LRRC8D: variants seen among roughly 807,000 people sequenced by gnomAD.
LRRC8D encodes volume-regulated anion channel subunit LRRC8D.
Under a neutral mutation model 55.8 loss-of-function variants are expected in LRRC8D, and 20 were observed. The observed-to-expected ratio is 0.36, with a 90% CI of 0.25 to 0.52. The LOEUF (loss-of-function observed/expected upper bound fraction) is 0.52, where lower values mean the gene tolerates loss of function less well. Among genes scored for constraint, LRRC8D ranks in the 20% least tolerant of loss-of-function variants. LRRC8D has a pLI of 0.93. For synonymous variants in LRRC8D, 352 were observed against 377.0 expected (o/e 0.93, Z 0.77); for missense variants, 651 against 1,030.8 (o/e 0.63, Z 5.05).
chr1:89,864,055 T>C (rs1661785242), intron 2 of LRRC8D, among the ~76,000 whole-genome samples: 1 of 152,202 alleles, frequency 6.6e-6, no homozygotes, highest in Admixed American at 6.5e-5. Context: ...GTTGAGCTCT[T>C]GCCCCATTGT....
At chr1:89,853,387 A>G (rs1661470296) in intron 2 of LRRC8D, among the ~76,000 whole-genome samples, 1 of 152,100 alleles carries the variant, frequency 6.6e-6, no homozygotes, top group Non-Finnish European at 1.5e-5. Flanking sequence ...AGGGCTGGAG[A>G]CAATTATTGA....
Position 89,847,870 on chromosome 1 carries a change from C to T in LRRC8D, c.-3+4088C>T, listed in dbSNP as rs140728289. On this transcript the variant is annotated intron_variant, in intron 2 of 2. Coordinates refer to ENST00000337338, the MANE Select transcript of LRRC8D (RefSeq NM_001134479.2). ...TTGCAAATAATGACTTCAGCATCTT[C>T]CTGTATTTGTAAAATAGCACTGCAT... Among the ~76,000 whole-genome samples the T allele has an allele frequency of 5.0e-4, 76 of 152,268 alleles. 1 individual carries two copies. In the East Asian group the frequency reaches 0.013, roughly 26 times the overall value.
chr1:89,908,235 C>G (rs1264601294), intron 2 of LRRC8D, among the ~76,000 whole-genome samples: 1 of 152,170 alleles, frequency 6.6e-6, no homozygotes, highest in Non-Finnish European at 1.5e-5. Flanking sequence ...TGCTATTACT[C>G]TAGTCTGTTG....
intron 2 of LRRC8D, among the ~76,000 whole-genome samples, chr1:89,853,409 G>A (rs531117504): frequency 2.6e-5 from 4 of 152,280 alleles, no homozygotes; most frequent in South Asian, 2.1e-4. Context: ...GAGTGACTAG[G>A]ATTGATCGTG....
Position 89,935,139 on chromosome 1 carries a change from T to C in LRRC8D, c.2071T>C (p.Trp691Arg), listed in dbSNP as rs377262856. Reference protein sequence around the residue: ...HLKRLTCLKLWHNKIVTIPPS... With the variant: ...HLKRLTCLKLRHNKIVTIPPS... ...AAAACGACTGACTTGTTTAAAATTA[T>C]GGCATAACAAAATTGTTACTATTCC... is the stretch of plus-strand genomic sequence containing the variant. The change falls in exon 3 of 3, where the codon TGG becomes CGG. Residue 691 changes from tryptophan (W) to arginine (R), a missense_variant. Trp to Arg is a moderately radical substitution (Grantham distance 101). Transcript: ENST00000337338. 3 of 1,614,250 alleles carry C rather than the reference T, an allele frequency of 1.9e-6. No homozygotes were observed. Among genetic ancestry groups the C allele is most frequent in the South Asian group, 1.1e-5 (1 of 91,088 alleles).
intron 2 of LRRC8D, among the ~76,000 whole-genome samples, chr1:89,892,651 T>C (rs1433245666): frequency 1.3e-5 from 2 of 152,208 alleles, no homozygotes; most frequent in Non-Finnish European, 2.9e-5. Context: ...CCTGAGTAGC[T>C]GGGGCTATAG....
rs1663788136 is a variant in LRRC8D, at chr1:89,934,529, T to G, written c.1461T>G (p.Phe487Leu). The change falls in exon 3 of 3, where the codon TTT becomes TTG. Residue 487 changes from phenylalanine to leucine, a missense_variant. By Grantham distance (22) the Phe-to-Leu change is conservative (BLOSUM62 0). Around this residue, in one of 5 missense-constraint regions of LRRC8D, gnomAD observed 338 missense variants for 479.4 expected, o/e 0.71. Transcript: ENST00000337338. The surrounding 1 kb of genome is among the most constrained non-coding windows in gnomAD (Gnocchi z 5.9). ...TGTCGGGGGTGCCCGATGCTGTCTT[T>G]GACCTCACAGACCTGGATGTGCTAA... ...FMLSGVPDAV[F>L]DLTDLDVLKL... 6.2e-7 allele frequency: 1 copy of G among 1,614,112 alleles called. No individual in the cohort carries two copies.
In LRRC8D at chr1:89,902,541, C is replaced by CT. The variant is rs935184892; in HGVS notation, c.-2-30513dup. 1.5e-3 allele frequency among the ~76,000 whole-genome samples: 219 copies of CT among 145,272 alleles called. 1 individual carries two copies. The highest frequency in any genetic ancestry group is 0.014 in the Middle Eastern group (4 of 284). On this transcript the variant is annotated intron_variant, in intron 2 of 2. Coordinates refer to ENST00000337338, the MANE Select transcript of LRRC8D (RefSeq NM_001134479.2). ...AAGGATGTTTTCTTTTTCTTTTTTT[C>CT]TTTTTTTTTTTTTGAGACTGAGTCT...
intron 1 of LRRC8D, among the ~76,000 whole-genome samples, chr1:89,830,483 C>T (rs1399095040): frequency 6.6e-6 from 1 of 152,122 alleles, no homozygotes; most frequent in Non-Finnish European, 1.5e-5. Context: ...AGTTCTGTAC[C>T]AAGCAGAAAT....
In LRRC8D at chr1:89,934,100, G is replaced by A. The variant is rs747082718; in HGVS notation, c.1032G>A (p.Glu344=). ...AACACGTCTGCAAGCCCAAAGTTGA[G>A]CATCTGATTGGTTATGAGGTATTTG... ...SFEHVCKPKV[E]HLIGYEVFEC... is the part of the protein sequence containing the mutation. Residue 344 remains glutamate, a synonymous_variant, in exon 3 of 3, where the codon GAG becomes GAA. Coordinates refer to ENST00000337338, the MANE Select transcript of LRRC8D (RefSeq NM_001134479.2). This position sits in a 1 kb window ranked among gnomAD's most constrained non-coding sequence, Gnocchi z 5.9. 3.1e-6 allele frequency: 5 copies of A among 1,614,186 alleles called. No homozygotes were observed. The Admixed American group carries it at 8.3e-5, about 27-fold the overall frequency.
chr1:89,923,669 G>T (rs1663480187), intron 2 of LRRC8D, among the ~76,000 whole-genome samples: 1 of 152,184 alleles, frequency 6.6e-6, no homozygotes, highest in African/African-American at 2.4e-5. Context: ...ATCACATTAT[G>T]TGACTTCAAA....
At chr1:89,876,409 C>A (rs1294233115) in intron 2 of LRRC8D, among the ~76,000 whole-genome samples, 3 of 152,156 alleles carry the variant, frequency 2.0e-5, no homozygotes, top group Admixed American at 6.5e-5. Flanking sequence ...CCAAAAATCT[C>A]TATTTTAAGC....
rs146968230 is a variant in LRRC8D at position 89,857,256 on chromosome 1, G to T, written c.-3+13474G>T. Among the ~76,000 whole-genome samples the T allele has an allele frequency of 3.9e-5, 6 of 151,912 alleles. No homozygotes were observed. The East Asian group carries it at 1.2e-3, about 29-fold the overall frequency. ...AAATTAGCCGGGTGTGGTGGCGCAT[G>T]CCTGTAATCCCAGTTACTTGGAGGC... On this transcript the variant is annotated intron_variant, in intron 2 of 2. Coordinates refer to ENST00000337338, the MANE Select transcript of LRRC8D (RefSeq NM_001134479.2).
intron 2 of LRRC8D, among the ~76,000 whole-genome samples, chr1:89,859,235 T>G (rs991492318): frequency 1.3e-5 from 2 of 151,998 alleles, no homozygotes; most frequent in African/African-American, 4.8e-5. Flanking sequence ...TGGTAGGTAA[T>G]AGCAAAGCTA....
chr1:89,926,188 A>G (rs1663559611), intron 2 of LRRC8D, among the ~76,000 whole-genome samples: 1 of 152,256 alleles, frequency 6.6e-6, no homozygotes. Context: ...CGTTCTGTGC[A>G]TCTGCTATAC....
intron 1 of LRRC8D, among the ~76,000 whole-genome samples, chr1:89,829,522 C>G (rs1660838033): frequency 1.3e-5 from 2 of 152,178 alleles, no homozygotes; most frequent in Admixed American, 6.5e-5. Flanking sequence ...TATACCTATT[C>G]TCTTATCTAC....
rs1475158996 is a variant in LRRC8D, at chr1:89,843,459, C to G, written c.-147-179C>G. 7.1e-6 allele frequency: 3 copies of G among 423,992 alleles called. No homozygotes were observed. In the East Asian group the frequency reaches 1.2e-4, roughly 16 times the overall value. 26.3% of individuals were successfully genotyped at this position (423,992 alleles called of 1,614,324 possible). ...GGGCCGAGGCCGCGCCACCTCGGCA[C>G]CACGCGGGCAGCCGGTGCGGCGGGG... On this transcript the variant is annotated intron_variant, in intron 1 of 2. Coordinates refer to ENST00000337338, the MANE Select transcript of LRRC8D (RefSeq NM_001134479.2).
intron 2 of LRRC8D, among the ~76,000 whole-genome samples, chr1:89,909,343 T>C (rs1218714879): frequency 6.6e-6 from 1 of 152,114 alleles, no homozygotes; most frequent in Non-Finnish European, 1.5e-5. Context: ...TTCTCACATA[T>C]CATTGTTTAC....
intron 2 of LRRC8D, among the ~76,000 whole-genome samples, chr1:89,923,322 ATGTT>A (rs1313824482): frequency 1.3e-5 from 2 of 152,254 alleles, no homozygotes; most frequent in East Asian, 3.8e-4. Flanking sequence ...TACTAAATAT[ATGTT>A]TTTCAAGTTA....
Sources: gnomAD v4.1 joint callset for allele counts (sites outside exome capture counted in the v4.1 genomes callset) on GRCh38, gnomAD v4.1.1 for gene constraint, gnomAD v4.1.1 regional missense constraint, Gnocchi (gnomAD v3.1) non-coding constraint, MANE v1.5 for transcripts, NCBI Gene and HGNC (gene_info 2026-07-23, HGNC 2026-07-21) for gene names.